FABP6: variants seen among roughly 807,000 people sequenced by gnomAD.
FABP6 encodes gastrotropin.
In FABP6, 13 loss-of-function variants were observed where a neutral mutation model predicts 14.9. That is an observed-to-expected ratio of 0.87 (90% CI 0.57 to 1.39). The LOEUF (loss-of-function observed/expected upper bound fraction) is 1.39. FABP6 is among the 40% of genes most tolerant of loss of function. FABP6 has a pLI of 0.00. For synonymous variants in FABP6, 75 were observed against 63.6 expected, an observed-to-expected ratio of 1.18 and a Z score of -0.85; for missense variants, 161 against 167.2, an observed-to-expected ratio of 0.96 and a Z score of 0.20.
At chr5:160,192,986 C>T (rs1484964297) in intron 1 of FABP6, among the ~76,000 whole-genome samples, 1 of 152,244 alleles carries the variant, frequency 6.6e-6, no homozygotes, top group South Asian at 2.1e-4. Flanking sequence ...TGGTGCACAC[C>T]TGTAGTCTGA....
At chr5:160,206,792 G>A (rs1759777468) in intron 2 of FABP6, among the ~76,000 whole-genome samples, 1 of 152,182 alleles carries the variant, frequency 6.6e-6, no homozygotes, top group African/African-American at 2.4e-5. Context: ...TTACAGACCA[G>A]AACACCACTG....
At chr5:160,221,571 G>A (rs1056004496) in intron 3 of FABP6, among the ~76,000 whole-genome samples, 3 of 152,224 alleles carry the variant, frequency 2.0e-5, no homozygotes, top group Admixed American at 6.5e-5. Context: ...CTCCATTACC[G>A]TGGTAAAATT....
chr5:160,237,120 T>C, intron 3 of FABP6, among the ~76,000 whole-genome samples: 1 of 152,182 alleles, frequency 6.6e-6, no homozygotes, highest in East Asian at 1.9e-4. Flanking sequence ...TTTTGATGCA[T>C]TTTTACATGA....
At position 160,213,101 on chromosome 5, in the gene FABP6, C is replaced by T. The variant is rs6859786; in HGVS notation, c.52-635C>T. On this transcript the variant is annotated intron_variant, in intron 2 of 6. Transcript: ENST00000393980. ...AACTGTCCACCCAGAGCAGTTGGCC[C>T]TCACGGTCGAGATGGTTGGTACCAC... 1.1e-4 allele frequency among the ~76,000 whole-genome samples: 16 copies of T among 152,202 alleles called. 2 individuals are homozygous for T. Among genetic ancestry groups the T allele is most frequent in the Non-Finnish European group, 1.9e-4 (13 of 68,038 alleles).
rs540560063 is a variant in FABP6 at position 160,193,915 on chromosome 5, G to T, written c.-58-5134G>T. Reference sequence around the variant, plus strand: ...CGCTCGCACTCCTCAGCCCTTGGGCGGTCGATGGGACTGGGCGCCGTGGGG... The same window carrying T: ...CGCTCGCACTCCTCAGCCCTTGGGCTGTCGATGGGACTGGGCGCCGTGGGG... On this transcript the variant is annotated intron_variant, in intron 1 of 6. Coordinates refer to the FABP6 transcript ENST00000393980. Among the ~76,000 whole-genome samples the T allele has an allele frequency of 1.0e-3, 158 of 152,368 alleles. 3 individuals carry two copies. The highest frequency in any genetic ancestry group is 3.5e-3 in the African/African-American group (146 of 41,594).
intron 2 of FABP6, 108 bp downstream of exon 2, chr5:160,232,381 C>G: frequency 8.3e-7 from 1 of 1,208,316 alleles, no homozygotes; most frequent in Non-Finnish European, 1.1e-6. Context: ...TCCAGTTTGG[C>G]CTCCAGCATT....
At chr5:160,215,456 T>A (rs1759989694) in intron 3 of FABP6, among the ~76,000 whole-genome samples, 1 of 150,702 alleles carries the variant, frequency 6.6e-6, no homozygotes, top group Non-Finnish European at 1.5e-5. Flanking sequence ...GAGGTTGCAG[T>A]GAGCCGAGAT....
chr5:160,193,409 AAG>A (rs1299864994), intron 1 of FABP6, among the ~76,000 whole-genome samples: 1 of 151,996 alleles, frequency 6.6e-6, no homozygotes, highest in African/African-American at 2.4e-5. Flanking sequence ...GCAAAAGAAC[AAG>A]GCTTCCACAG....
At chr5:160,231,946 T>G in intron 1 of FABP6, 152 bp from the exon 2 acceptor site, 2 of 772,886 alleles carry the variant, frequency 2.6e-6, no homozygotes, top group South Asian at 3.8e-5. Context: ...ACAGCACGTA[T>G]TAGCTGTCTC....
upstream of FABP6, chr5:160,228,390 T>C: frequency 4.4e-6 from 2 of 454,646 alleles, no homozygotes; most frequent in Non-Finnish European, 8.9e-6. Context: ...AAACTCCATC[T>C]CAAAAATAAA....
chr5:160,199,783 G>A (rs1187197149), intron 2 of FABP6, among the ~76,000 whole-genome samples: 4 of 152,172 alleles, frequency 2.6e-5, no homozygotes, highest in Admixed American at 1.3e-4. Context: ...TGGGATCTCC[G>A]CTCACTAGGG....
chr5:160,230,131 G>C (rs888410778), intron 1 of FABP6, among the ~76,000 whole-genome samples: 2 of 150,748 alleles, frequency 1.3e-5, no homozygotes, highest in African/African-American at 4.9e-5. Flanking sequence ...GATCCACCCA[G>C]CTCGACCTCC....
chr5:160,193,327 A>G (rs1209941095), intron 1 of FABP6, among the ~76,000 whole-genome samples: 11 of 151,938 alleles, frequency 7.2e-5, no homozygotes, highest in Admixed American at 1.3e-4. Flanking sequence ...GCAGACTTTC[A>G]CGGTAAGTGT....
chr5:160,212,898 T>G (rs114206004), intron 2 of FABP6, among the ~76,000 whole-genome samples: 1 of 152,104 alleles, frequency 6.6e-6, no homozygotes, highest in Non-Finnish European at 1.5e-5. Context: ...ATTACAGGTG[T>G]GAGCCACTAC....
chr5:160,206,505 G>T (rs531867575), intron 2 of FABP6, among the ~76,000 whole-genome samples: 1 of 152,210 alleles, frequency 6.6e-6, no homozygotes, highest in South Asian at 2.1e-4. Context: ...TATACACAGA[G>T]AAAAGTATAC....
At chr5:160,237,683 G>T (rs1212139569) in intron 3 of FABP6, among the ~76,000 whole-genome samples, 8 of 151,932 alleles carry the variant, frequency 5.3e-5, no homozygotes, top group Non-Finnish European at 1.0e-4. Flanking sequence ...GCTGCCCTTT[G>T]TTATGAATCA....
chr5:160,231,962 C>T, intron 1 of FABP6, 136 bp from the exon 2 acceptor site: 1 of 962,490 alleles, frequency 1.0e-6, no homozygotes, highest in East Asian at 2.6e-5. Flanking sequence ...GTCTCAGGCA[C>T]TGTGCTCTTA....
intron 1 of FABP6, among the ~76,000 whole-genome samples, chr5:160,192,694 C>T (rs1050184763): frequency 2.6e-5 from 4 of 152,244 alleles, no homozygotes; most frequent in African/African-American, 7.2e-5. Context: ...CACTGGCCCA[C>T]TGGGCAGAGA....
intron 2 of FABP6, among the ~76,000 whole-genome samples, chr5:160,202,785 C>T (rs1438017313): frequency 2.9e-5 from 4 of 140,288 alleles, no homozygotes; most frequent in East Asian, 2.2e-4. Context: ...GGGAACAGAG[C>T]GAAACTCCAT....
Sources: allele counts gnomAD v4.1 joint callset (sites outside exome capture counted in the v4.1 genomes callset), GRCh38; gene constraint gnomAD v4.1.1; transcripts MANE v1.5; gene names NCBI Gene and HGNC (gene_info 2026-07-23, HGNC 2026-07-21).